VTI1A: variants seen among roughly 807,000 people sequenced by gnomAD.
The protein encoded by VTI1A is vesicle transport through interaction with t-SNAREs 1A, also known as vesicle transport through interaction with t-SNAREs homolog 1A.
Under a neutral mutation model 34.9 loss-of-function variants are expected in VTI1A, and 22 were observed. That is an observed-to-expected ratio of 0.63 (90% CI 0.45 to 0.90). The LOEUF is 0.90. Ranked by LOEUF, VTI1A falls within the 40% of genes least tolerant of loss-of-function variation. The pLI, the probability that VTI1A is intolerant of heterozygous loss-of-function variation, is 0.00. For missense variants in VTI1A, 268 were observed against 275.6 expected (o/e 0.97, Z 0.20); for synonymous variants, 87 against 97.3 (o/e 0.89, Z 0.62).
chr10:112,800,532 C>T (rs1852842757), intron 7 of VTI1A, among the ~76,000 whole-genome samples: 1 of 152,210 alleles, frequency 6.6e-6, no homozygotes, highest in Non-Finnish European at 1.5e-5. Context: ...TATTGAGCAA[C>T]TACCATTGGC....
intron 7 of VTI1A, among the ~76,000 whole-genome samples, chr10:112,721,582 G>A (rs1482500562): frequency 6.6e-6 from 1 of 152,034 alleles, no homozygotes. Context: ...TAGTTACTAC[G>A]GTCCTAAAGT....
At chr10:112,798,957 G>T (rs540713875) in intron 7 of VTI1A, among the ~76,000 whole-genome samples, 1 of 152,300 alleles carries the variant, frequency 6.6e-6, no homozygotes, top group East Asian at 1.9e-4. Flanking sequence ...AAGGTCAGGG[G>T]GCTGCAGATG....
intron 4 of VTI1A, among the ~76,000 whole-genome samples, chr10:112,531,499 A>T (rs572746544): frequency 1.3e-5 from 2 of 152,226 alleles, no homozygotes; most frequent in African/African-American, 4.8e-5. Context: ...AAAAAAAAGA[A>T]AAAAGATAAA....
At chr10:112,765,106 A>G (rs1399958310) in intron 7 of VTI1A, among the ~76,000 whole-genome samples, 3 of 152,240 alleles carry the variant, frequency 2.0e-5, no homozygotes, top group African/African-American at 4.8e-5. Flanking sequence ...ACATCATATT[A>G]TTATACCTGT....
the VTI1A span, among the ~76,000 whole-genome samples, chr10:112,847,937 T>C: frequency 6.6e-6 from 1 of 152,124 alleles, no homozygotes; most frequent in Admixed American, 6.5e-5. Flanking sequence ...AGAAACCATC[T>C]TGGACAGTCA....
intron 5 of VTI1A, among the ~76,000 whole-genome samples, chr10:112,642,583 C>T (rs932895568): frequency 6.8e-6 from 1 of 146,166 alleles, no homozygotes; most frequent in African/African-American, 2.5e-5. Context: ...CACATATATA[C>T]GTATACACTC....
rs114258061 is a variant in VTI1A, at chr10:112,743,165, C to T, written c.561-72125C>T. ...TCTAGAATATGACAAGCCTTGAGTT[C>T]GTCTGGAAAATAGAACATTATTAGG... is the stretch of plus-strand genomic sequence containing the variant. On this transcript the variant is annotated intron_variant, in intron 7 of 7. Coordinates refer to ENST00000393077, the MANE Select transcript of VTI1A (RefSeq NM_145206.4). Among the ~76,000 whole-genome samples, 340 of 152,124 alleles carry T rather than the reference C, an allele frequency of 2.2e-3. 1 individual carries two copies. Among genetic ancestry groups the T allele is most frequent in the African/African-American group, 7.7e-3 (320 of 41,480 alleles).
intron 7 of VTI1A, among the ~76,000 whole-genome samples, chr10:112,707,756 T>C (rs1849252148): frequency 6.6e-6 from 1 of 152,248 alleles, no homozygotes; most frequent in African/African-American, 2.4e-5. Flanking sequence ...GCTCTTACTT[T>C]GCATAAAAAT....
chr10:112,585,932 A>G (rs1218685112), intron 5 of VTI1A, among the ~76,000 whole-genome samples: 1 of 152,006 alleles, frequency 6.6e-6, no homozygotes, highest in Non-Finnish European at 1.5e-5. Context: ...GTGCCTGCAA[A>G]CCCATGTGCT....
At chr10:112,702,962 G>T (rs1292371475) in intron 7 of VTI1A, among the ~76,000 whole-genome samples, 1 of 152,082 alleles carries the variant, frequency 6.6e-6, no homozygotes, top group African/African-American at 2.4e-5. Flanking sequence ...AACTAATTGG[G>T]CCTCCTTTTT....
intron 3 of VTI1A, among the ~76,000 whole-genome samples, chr10:112,525,853 T>C (rs1005320870): frequency 9.2e-5 from 14 of 152,222 alleles, no homozygotes; most frequent in African/African-American, 3.4e-4. Flanking sequence ...ATGATCTCTA[T>C]GTGGTCAAGC....
chr10:112,457,165 G>A (rs974855641), intron 1 of VTI1A, among the ~76,000 whole-genome samples: 1 of 152,116 alleles, frequency 6.6e-6, no homozygotes, highest in African/African-American at 2.4e-5. Flanking sequence ...AGGATGCTCG[G>A]CTCTGAAATG....
chr10:112,785,223 G>T (rs1477187951), intron 7 of VTI1A, among the ~76,000 whole-genome samples: 1 of 152,204 alleles, frequency 6.6e-6, no homozygotes, highest in Non-Finnish European at 1.5e-5. Flanking sequence ...GCCTGTAGAT[G>T]GGAGCAAGGG....
chr10:112,464,765 A>T, intron 3 of VTI1A, 108 bp downstream of exon 3: 1 of 892,082 alleles, frequency 1.1e-6, no homozygotes, highest in South Asian at 1.6e-5. Flanking sequence ...TGTAGAAGAC[A>T]AGTAACAGCT....
At chr10:112,617,134 GCAGT>G (rs1845539863) in intron 5 of VTI1A, among the ~76,000 whole-genome samples, 2 of 152,000 alleles carry the variant, frequency 1.3e-5, no homozygotes, top group African/African-American at 4.8e-5. Context: ...AGAAATAAAA[GCAGT>G]CAGAGATAAA....
At chr10:112,852,563 C>T in the VTI1A span, among the ~76,000 whole-genome samples, 2 of 152,224 alleles carry the variant, frequency 1.3e-5, no homozygotes, top group African/African-American at 2.4e-5. Context: ...GGGGTTGGCA[C>T]GTGGGCATTA....
downstream of VTI1A, chr10:112,823,559 T>C (rs1305340307): frequency 3.3e-5 from 5 of 152,080 alleles, no homozygotes; most frequent in East Asian, 3.9e-4. Context: ...AAGGGGAAAA[T>C]AGAAGTAGAA....
intron 7 of VTI1A, among the ~76,000 whole-genome samples, chr10:112,725,361 C>G (rs964008278): frequency 6.6e-6 from 1 of 152,134 alleles, no homozygotes; most frequent in African/African-American, 2.4e-5. Context: ...TTCCTCTGTA[C>G]TTTCTGTAAA....
chr10:112,608,220 C>T (rs1476801876), intron 5 of VTI1A, among the ~76,000 whole-genome samples: 1 of 152,122 alleles, frequency 6.6e-6, no homozygotes, highest in Non-Finnish European at 1.5e-5. Flanking sequence ...AGATACCCTT[C>T]CAGTAGAATT....
Sources: gnomAD v4.1 joint callset for allele counts (sites outside exome capture counted in the v4.1 genomes callset) on GRCh38, gnomAD v4.1.1 for gene constraint, MANE v1.5 for transcripts, NCBI Gene and HGNC (gene_info 2026-07-23, HGNC 2026-07-21) for gene names.